Variants in PELI2 observed in about 807,000 individuals in gnomAD.
The protein encoded by PELI2 is E3 ubiquitin-protein ligase pellino homolog 2.
In PELI2, 23 loss-of-function variants were observed where a neutral mutation model predicts 42.3. The ratio of observed to expected loss-of-function variants is 0.54; its 90% CI spans 0.39 to 0.77. The LOEUF is 0.77. Ranked by LOEUF, PELI2 falls within the 30% of genes least tolerant of loss-of-function variation. PELI2 has a pLI of 0.00. For synonymous variants in PELI2, 245 were observed against 212.2 expected (o/e 1.15, Z -1.34); for missense variants, 463 against 553.2 (o/e 0.84, Z 1.64).
intron 3 of PELI2, among the ~76,000 whole-genome samples, chr14:56,286,956 T>G (rs1749196652): frequency 6.6e-6 from 1 of 152,218 alleles, no homozygotes; most frequent in Non-Finnish European, 1.5e-5. Context: ...CTTTTTACAG[T>G]CAATTTCAAT....
chr14:56,152,943 C>A (rs1035226119), intron 1 of PELI2, among the ~76,000 whole-genome samples: 2 of 152,188 alleles, frequency 1.3e-5, no homozygotes, highest in African/African-American at 4.8e-5. Context: ...ATGTCTTCGT[C>A]TGGTGAGGTG....
intron 2 of PELI2, among the ~76,000 whole-genome samples, chr14:56,239,799 G>A (rs1265174742): frequency 1.3e-5 from 2 of 152,154 alleles, no homozygotes; most frequent in Admixed American, 1.3e-4. Flanking sequence ...AGCTCAGGGG[G>A]AGTCGTGGCT....
rs4038318 is a variant in PELI2, at chr14:56,197,969, G to GACACACACAC, written c.207+19540_207+19549dup. Among the ~76,000 whole-genome samples the GACACACACAC allele has an allele frequency of 2.7e-4, 35 of 129,766 alleles. No homozygotes were observed. Among genetic ancestry groups the GACACACACAC allele is most frequent in the Non-Finnish European group, 3.5e-4 (22 of 62,230 alleles). The allele number at this position is 129,766 out of a possible 152,430, so 85.1% of individuals were successfully genotyped here. ...CACACCAGGGATCATGACTGGTGAA[G>GACACACACAC]ACACACACACACACACACACACACA... On this transcript the variant is annotated intron_variant, in intron 2 of 5. Coordinates refer to ENST00000267460, the MANE Select transcript of PELI2 (RefSeq NM_021255.3). The surrounding 1 kb of genome is among the most constrained non-coding windows in gnomAD (Gnocchi z 4.9).
chr14:56,128,187 G>T (rs1883348298), intron 1 of PELI2, among the ~76,000 whole-genome samples: 1 of 152,164 alleles, frequency 6.6e-6, no homozygotes, highest in African/African-American at 2.4e-5. Context: ...TGTTTTACGA[G>T]GCTGATTTCA....
chr14:56,122,878 T>C (rs1389178917), intron 1 of PELI2, among the ~76,000 whole-genome samples: 1 of 152,248 alleles, frequency 6.6e-6, no homozygotes, highest in African/African-American at 2.4e-5. Context: ...TATTTAAGTA[T>C]AAGTGATTCC....
intron 1 of PELI2, among the ~76,000 whole-genome samples, chr14:56,161,122 G>C (rs1395396185): frequency 6.6e-6 from 1 of 152,182 alleles, no homozygotes; most frequent in Non-Finnish European, 1.5e-5. Context: ...TGTTATTAAG[G>C]TTCCATGACT....
At chr14:56,234,810 G>T (rs1443035312) in intron 2 of PELI2, among the ~76,000 whole-genome samples, 1 of 152,012 alleles carries the variant, frequency 6.6e-6, no homozygotes, top group Non-Finnish European at 1.5e-5. Context: ...GCGCTAATCT[G>T]TAGGAAAACT....
intron 1 of PELI2, among the ~76,000 whole-genome samples, chr14:56,148,147 T>C (rs1177170881): frequency 6.6e-6 from 1 of 152,208 alleles, no homozygotes; most frequent in Non-Finnish European, 1.5e-5. Flanking sequence ...CCTGGATCCT[T>C]CCCTTGCCCT....
At chr14:56,270,985 G>A (rs1039611697) in intron 2 of PELI2, among the ~76,000 whole-genome samples, 4 of 152,206 alleles carry the variant, frequency 2.6e-5, no homozygotes, top group African/African-American at 9.6e-5. Context: ...GAGAAAGCCA[G>A]TTTGATATAA....
chr14:56,193,930 G>C (rs1886039958), intron 2 of PELI2, among the ~76,000 whole-genome samples: 1 of 152,174 alleles, frequency 6.6e-6, no homozygotes, highest in Non-Finnish European at 1.5e-5. Context: ...TGAAAACTGA[G>C]ACCTAGAGTT....
intron 1 of PELI2, among the ~76,000 whole-genome samples, chr14:56,150,854 G>A (rs1884324422): frequency 6.6e-6 from 1 of 152,194 alleles, no homozygotes; most frequent in African/African-American, 2.4e-5. Flanking sequence ...TTGTCTCAGA[G>A]CTAGCAGAGT....
intron 2 of PELI2, among the ~76,000 whole-genome samples, chr14:56,253,304 C>G (rs1045800389): frequency 7.2e-5 from 11 of 152,334 alleles, no homozygotes; most frequent in African/African-American, 2.4e-4. Flanking sequence ...ACAACGATGA[C>G]TTCTCTCACC....
chr14:56,290,191 A>G, intron 4 of PELI2, 77 bp from the exon 5 acceptor site: 2 of 1,161,880 alleles, frequency 1.7e-6, no homozygotes, highest in Non-Finnish European at 2.4e-6. Context: ...TATGCAATGT[A>G]TTAAAGAAAT....
At chr14:56,205,312 C>A (rs1365237324) in intron 2 of PELI2, among the ~76,000 whole-genome samples, 1 of 152,060 alleles carries the variant, frequency 6.6e-6, no homozygotes, top group Non-Finnish European at 1.5e-5. Flanking sequence ...AAGAGTGATA[C>A]TGGTAGTATA....
chr14:56,259,474 C>T (rs1888640710), intron 2 of PELI2, among the ~76,000 whole-genome samples: 1 of 151,964 alleles, frequency 6.6e-6, no homozygotes, highest in African/African-American at 2.4e-5. Flanking sequence ...ATTGTTTAAC[C>T]CAGGAATACA....
At chr14:56,177,760 C>T (rs985683127) in intron 1 of PELI2, among the ~76,000 whole-genome samples, 22 of 152,160 alleles carry the variant, frequency 1.4e-4, no homozygotes, top group African/African-American at 5.1e-4. Context: ...TATTTAATTT[C>T]TGCAAGCTGT....
chr14:56,276,456 G>A (rs957329873), intron 2 of PELI2, among the ~76,000 whole-genome samples: 1 of 151,836 alleles, frequency 6.6e-6, no homozygotes, highest in African/African-American at 2.4e-5. Flanking sequence ...GCAGCATGTT[G>A]GACCCCAGGG....
At chr14:56,285,030 T>A (rs966580754) in intron 3 of PELI2, among the ~76,000 whole-genome samples, 1 of 152,160 alleles carries the variant, frequency 6.6e-6, no homozygotes, top group Non-Finnish European at 1.5e-5. Context: ...ATTCTAGGAA[T>A]TTTGGGAAGC....
At position 56,279,751 on chromosome 14, in the gene PELI2, C is replaced by T. The variant is rs770882641; in HGVS notation, c.283C>T (p.His95Tyr). 5 of 1,587,728 alleles carry T rather than the reference C, an allele frequency of 3.1e-6. No homozygotes were observed. The highest frequency in any genetic ancestry group is 4.3e-6 in the Non-Finnish European group (5 of 1,156,828). Residue 95 changes from histidine to tyrosine, a missense_variant, in exon 3 of 6, where the codon CAT (histidine) becomes TAT (tyrosine). Around this residue, in one of 3 missense-constraint regions of PELI2, gnomAD observed 343 missense variants for 378.4 expected, o/e 0.91. Coordinates refer to ENST00000267460, the MANE Select transcript of PELI2 (RefSeq NM_021255.3). ...TCAGACTGTGGTGGTGGAGTACACA[C>T]ATGATAAGGATACGGATATGTTTCA... ...RNQTVVVEYTHDKDTDMFQVG... is the reference protein window; with the variant it reads ...RNQTVVVEYTYDKDTDMFQVG...
Sources: gnomAD v4.1 joint callset for allele counts (sites outside exome capture counted in the v4.1 genomes callset) on GRCh38, gnomAD v4.1.1 for gene constraint, gnomAD v4.1.1 regional missense constraint, Gnocchi (gnomAD v3.1) non-coding constraint, MANE v1.5 for transcripts, NCBI Gene and HGNC (gene_info 2026-07-23, HGNC 2026-07-21) for gene names.